Variants in AFAP1L2 observed in about 807,000 individuals in gnomAD.
The protein encoded by AFAP1L2 is actin filament associated protein 1 like 2, also known as actin filament-associated protein 1-like 2.
AFAP1L2 carries 46 observed loss-of-function variants against 99.3 expected under a neutral mutation model. The ratio of observed to expected loss-of-function variants is 0.46; its 90% confidence interval spans 0.37 to 0.59. AFAP1L2 has a LOEUF of 0.59. Among genes scored for constraint, AFAP1L2 ranks in the 20% least tolerant of loss-of-function variants. The probability of loss-of-function intolerance (pLI) is 0.00; values close to 1 mark genes in which losing one functional copy is unlikely to be tolerated. For missense variants in AFAP1L2, 959 were observed against 1,034.9 expected, an observed-to-expected ratio of 0.93 and a Z score of 1.01; for synonymous variants, 397 against 419.1, an observed-to-expected ratio of 0.95 and a Z score of 0.64.
intron 1 of AFAP1L2, among the ~76,000 whole-genome samples, chr10:114,368,767 AACACACACACACACACACACACAC>A (rs34854872): frequency 1.0e-3 from 142 of 140,746 alleles, no homozygotes; most frequent in African/African-American, 3.7e-3. Flanking sequence ...GTGTCCTTAC[AACACACACACACACACACACACAC>A]ACACACACAC....
intron 1 of AFAP1L2, among the ~76,000 whole-genome samples, chr10:114,398,150 A>G (rs2057903018): frequency 6.6e-6 from 1 of 152,224 alleles, no homozygotes; most frequent in Non-Finnish European, 1.5e-5. Context: ...TTTGAAACTA[A>G]CTGGGGAGAA....
intron 1 of AFAP1L2, among the ~76,000 whole-genome samples, chr10:114,368,956 T>C (rs1038278123): frequency 4.6e-5 from 7 of 152,142 alleles, no homozygotes; most frequent in Non-Finnish European, 8.8e-5. Flanking sequence ...TCAATAAAGC[T>C]AGGGGGGAAA....
intron 1 of AFAP1L2, among the ~76,000 whole-genome samples, chr10:114,351,503 C>T (rs1467514572): frequency 6.6e-6 from 1 of 152,224 alleles, no homozygotes; most frequent in East Asian, 1.9e-4. Context: ...GTCCAGGCCC[C>T]TGCCTCCAAG....
chr10:114,287,338 G>A, the AFAP1L2 span, among the ~76,000 whole-genome samples: 1 of 152,054 alleles, frequency 6.6e-6, no homozygotes, highest in South Asian at 2.1e-4. Flanking sequence ...ACACCACCAT[G>A]CCCAGCTAAT....
intron 1 of AFAP1L2, among the ~76,000 whole-genome samples, chr10:114,387,646 C>T (rs2056668473): frequency 2.0e-5 from 3 of 152,196 alleles, no homozygotes; most frequent in Admixed American, 2.0e-4. Flanking sequence ...GATTAAGAAA[C>T]TGAGGTTCAG....
At chr10:114,389,492 A>G (rs145689814) in intron 1 of AFAP1L2, among the ~76,000 whole-genome samples, 1 of 152,306 alleles carries the variant, frequency 6.6e-6, no homozygotes, top group Non-Finnish European at 1.5e-5. Flanking sequence ...AGGTACTAGA[A>G]AAATCTAATT....
the AFAP1L2 span, chr10:114,286,350 C>T: frequency 5.9e-5 from 95 of 1,613,436 alleles, 1 homozygote; most frequent in South Asian, 1.5e-4. Flanking sequence ...CACGCAAGGG[C>T]GCGAGAGCTG....
chr10:114,325,118 G>A (rs1186145264), intron 4 of AFAP1L2, among the ~76,000 whole-genome samples: 1 of 152,236 alleles, frequency 6.6e-6, no homozygotes, highest in Non-Finnish European at 1.5e-5. Context: ...CCGGGCTTCA[G>A]GACCTCATAG....
intron 1 of AFAP1L2, among the ~76,000 whole-genome samples, chr10:114,398,357 T>C (rs961796682): frequency 1.5e-4 from 23 of 152,168 alleles, no homozygotes; most frequent in African/African-American, 5.3e-4. Flanking sequence ...ATGCTATCTC[T>C]GAGAAGCTAG....
chr10:114,325,461 T>A (rs2046119104), intron 4 of AFAP1L2, among the ~76,000 whole-genome samples: 1 of 152,188 alleles, frequency 6.6e-6, no homozygotes. Context: ...CCAGATCTGG[T>A]CCTGTACCAA....
the AFAP1L2 span, chr10:114,286,500 G>A: frequency 1.3e-5 from 20 of 1,571,026 alleles, no homozygotes; most frequent in African/African-American, 4.0e-5. Flanking sequence ...CTGTGCAGCC[G>A]GCAGCGGCCA....
intron 1 of AFAP1L2, among the ~76,000 whole-genome samples, chr10:114,353,565 C>G (rs1288845501): frequency 6.6e-6 from 1 of 152,232 alleles, no homozygotes; most frequent in African/African-American, 2.4e-5. Flanking sequence ...CAGGGTCACA[C>G]AGCAAGTTCA....
At chr10:114,286,043 C>T in the AFAP1L2 span, 12 of 1,614,048 alleles carry the variant, frequency 7.4e-6, no homozygotes, top group East Asian at 4.5e-5. Flanking sequence ...CTTCGTGAAG[C>T]GGTTTGTGCG....
At chr10:114,373,573 G>T (rs1002119983) in intron 1 of AFAP1L2, among the ~76,000 whole-genome samples, 1 of 151,860 alleles carries the variant, frequency 6.6e-6, no homozygotes, top group Non-Finnish European at 1.5e-5. Flanking sequence ...TGCAGTGAGC[G>T]GGGATTGTGC....
chr10:114,320,556 C>T (rs1243680571), intron 5 of AFAP1L2, among the ~76,000 whole-genome samples: 2 of 152,248 alleles, frequency 1.3e-5, no homozygotes, highest in Admixed American at 1.3e-4. Flanking sequence ...ACAGGCAGGG[C>T]TATGTTCCCT....
At chr10:114,387,194 G>T (rs1353830870) in intron 1 of AFAP1L2, among the ~76,000 whole-genome samples, 1 of 152,212 alleles carries the variant, frequency 6.6e-6, no homozygotes, top group Non-Finnish European at 1.5e-5. Context: ...TGCAATGGTG[G>T]AGAGTCATCT....
intron 2 of AFAP1L2, 59 bp from the exon 3 acceptor site, chr10:114,333,354 C>G: frequency 7.3e-7 from 1 of 1,377,392 alleles, no homozygotes; most frequent in Non-Finnish European, 1.0e-6. Flanking sequence ...GGGCCTCCAG[C>G]TAGAAACCCT....
At chr10:114,369,355 G>A (rs1179597790) in intron 1 of AFAP1L2, among the ~76,000 whole-genome samples, 2 of 152,112 alleles carry the variant, frequency 1.3e-5, no homozygotes, top group African/African-American at 2.4e-5. Context: ...GAGCACTTTC[G>A]GAGGCCGAGG....
intron 1 of AFAP1L2, among the ~76,000 whole-genome samples, chr10:114,392,249 G>T (rs1259089832): frequency 2.6e-5 from 4 of 152,124 alleles, no homozygotes; most frequent in Admixed American, 1.3e-4. Flanking sequence ...AATTATTCAG[G>T]TGTGGTAGTG....
Sources: allele counts gnomAD v4.1 joint callset (sites outside exome capture counted in the v4.1 genomes callset), GRCh38; gene constraint gnomAD v4.1.1; transcripts MANE v1.5; gene names NCBI Gene and HGNC (gene_info 2026-07-23, HGNC 2026-07-21).